Variants in RMDN2 observed in about 807,000 individuals in gnomAD.
RMDN2 encodes the protein regulator of microtubule dynamics 2.
In RMDN2, 61 loss-of-function variants were observed where a neutral mutation model predicts 52.8. The observed-to-expected ratio is 1.16, with a 90% CI of 0.94 to 1.43. RMDN2 has a LOEUF of 1.43. Among genes scored for constraint, RMDN2 ranks in the 40% most tolerant of loss-of-function variants. The pLI is 0.00. For synonymous variants in RMDN2, 180 were observed against 153.1 expected, an observed-to-expected ratio of 1.18 and a Z score of -1.30; for missense variants, 592 against 475.3, an observed-to-expected ratio of 1.25 and a Z score of -2.28.
At chr2:38,002,494 A>G (rs1336805633) in intron 8 of RMDN2, among the ~76,000 whole-genome samples, 1 of 152,202 alleles carries the variant, frequency 6.6e-6, no homozygotes. Flanking sequence ...TGGAGCCAAT[A>G]TGTAGATTTT....
intron 7 of RMDN2, among the ~76,000 whole-genome samples, chr2:37,991,684 C>G (rs1674814922): frequency 6.6e-6 from 1 of 152,102 alleles, no homozygotes; most frequent in Non-Finnish European, 1.5e-5. Context: ...CACCCTGTGT[C>G]TAGGTACACT....
chr2:38,020,815 A>G (rs974755363), downstream of RMDN2, among the ~76,000 whole-genome samples: 1 of 149,926 alleles, frequency 6.7e-6, no homozygotes, highest in African/African-American at 2.5e-5. Context: ...GCTCCTGTGC[A>G]AACGGAGCCT....
At chr2:37,965,412 A>G (rs542285996) in intron 2 of RMDN2, among the ~76,000 whole-genome samples, 31 of 145,778 alleles carry the variant, frequency 2.1e-4, no homozygotes, top group African/African-American at 7.7e-4. Flanking sequence ...TGTGGTTGCC[A>G]TGGGGATTAT....
Position 38,041,426 on chromosome 2 carries a change from G to GTTTTT in RMDN2, c.1714-25556_1714-25555insTTTTT, listed in dbSNP as rs1573214869. Among the ~76,000 whole-genome samples, 5 of 73,058 alleles carry GTTTTT rather than the reference G, an allele frequency of 6.8e-5. No individual in the cohort carries two copies. The East Asian group carries it at 4.5e-3, about 65-fold the overall frequency. 47.9% of individuals were successfully genotyped at this position (73,058 alleles called of 152,430 possible). A position where few individuals can be genotyped will look rare whatever the true frequency, so the allele number is the denominator to read the frequency against. ...TTCTTCTTTCCTCATTTTTTTTATT[G>GTTTTT]GTTTTTTTTTTTTTTTTGGACGTTT... On this transcript the variant is annotated intron_variant, in intron 10 of 10. Transcript: ENST00000234195.
chr2:38,025,842 C>T (rs1187449674), intron 10 of RMDN2, among the ~76,000 whole-genome samples: 2 of 151,986 alleles, frequency 1.3e-5, no homozygotes, highest in African/African-American at 4.8e-5. Flanking sequence ...TTTATTGTAT[C>T]AGTGGGTTTA....
At chr2:38,022,793 G>A (rs565172788) in intron 10 of RMDN2, among the ~76,000 whole-genome samples, 3 of 152,036 alleles carry the variant, frequency 2.0e-5, no homozygotes, top group Admixed American at 6.5e-5. Flanking sequence ...TATACTTTTC[G>A]ATTTCAAAAA....
intron 2 of RMDN2, among the ~76,000 whole-genome samples, chr2:37,935,995 A>G (rs989383861): frequency 7.2e-5 from 11 of 152,004 alleles, no homozygotes; most frequent in African/African-American, 2.7e-4. Flanking sequence ...GGTTTGCTGC[A>G]CCTATCAACC....
intron 2 of RMDN2, chr2:37,950,509 A>G (rs1348431675): frequency 2.5e-6 from 4 of 1,612,696 alleles, no homozygotes; most frequent in Non-Finnish European, 1.7e-6. Flanking sequence ...CCACCTCTAC[A>G]GGGCATTTTA....
At chr2:38,044,798 G>T (rs1201815242) in intron 10 of RMDN2, among the ~76,000 whole-genome samples, 1 of 151,884 alleles carries the variant, frequency 6.6e-6, no homozygotes, top group Non-Finnish European at 1.5e-5. Context: ...CTTGCATGTT[G>T]TCTACTTTTT....
chr2:37,970,531 GTTATA>G (rs1671673563), intron 2 of RMDN2, among the ~76,000 whole-genome samples: 1 of 152,048 alleles, frequency 6.6e-6, no homozygotes, highest in Non-Finnish European at 1.5e-5. Context: ...TTTTGTGTCA[GTTATA>G]TTAGTTTTAT....
intron 2 of RMDN2, among the ~76,000 whole-genome samples, chr2:37,940,904 A>G (rs1667728863): frequency 6.6e-6 from 1 of 151,782 alleles, no homozygotes; most frequent in Non-Finnish European, 1.5e-5. Flanking sequence ...AATTCATCAA[A>G]CTCATTCTCT....
chr2:38,009,434 TCTC>T (rs1003668663), intron 10 of RMDN2, among the ~76,000 whole-genome samples: 2 of 152,170 alleles, frequency 1.3e-5, no homozygotes, highest in Non-Finnish European at 2.9e-5. Flanking sequence ...TCTCTACACT[TCTC>T]CTCTCGCTTC....
rs1304024582 is a variant in RMDN2, at chr2:37,929,565, TAAA to T, written c.289_291del (p.Lys97del). On this transcript the variant is annotated inframe_deletion, in exon 2 of 11. Transcript: ENST00000354545. ...AACTCAAAGAGGAAATCAGATTTCT[TAAA>T]GAAGCTATTCCAAAGCTGGAGGAAT... The T allele has an allele frequency of 6.4e-7, 1 of 1,551,860 alleles. No homozygotes were observed. Among genetic ancestry groups the T allele is most frequent in the Middle Eastern group, 1.7e-4 (1 of 5,994 alleles).
chr2:38,047,182 CTA>C (rs1681324940), intron 10 of RMDN2, among the ~76,000 whole-genome samples: 1 of 152,074 alleles, frequency 6.6e-6, no homozygotes, highest in Admixed American at 6.5e-5. Context: ...AGAAGAAATA[CTA>C]TGTTTTTAGA....
At chr2:37,963,485 C>A (rs1240697194) in intron 2 of RMDN2, among the ~76,000 whole-genome samples, 1 of 151,904 alleles carries the variant, frequency 6.6e-6, no homozygotes, top group Admixed American at 6.5e-5. Context: ...TGTTTGTGTC[C>A]CTGGGTACTT....
chr2:37,994,911 C>T (rs929374217), intron 7 of RMDN2, among the ~76,000 whole-genome samples: 1 of 152,134 alleles, frequency 6.6e-6, no homozygotes, highest in Non-Finnish European at 1.5e-5. Context: ...TCACAGAAGA[C>T]TACCTAATTG....
chr2:37,989,425 A>G, intron 5 of RMDN2, 116 bp from the exon 6 acceptor site: 1 of 685,974 alleles, frequency 1.5e-6, no homozygotes, highest in African/African-American at 1.8e-5. Flanking sequence ...TTATATGAAT[A>G]CTCCTGTTAA....
intron 2 of RMDN2, among the ~76,000 whole-genome samples, chr2:37,957,448 AG>A (rs1210173232): frequency 2.0e-5 from 3 of 151,530 alleles, no homozygotes; most frequent in Admixed American, 2.0e-4. Flanking sequence ...GCTGCTTTTA[AG>A]AAGTGTCTGT....
chr2:38,002,885 C>T (rs1676509105), intron 8 of RMDN2: 1 of 152,226 alleles, frequency 6.6e-6, no homozygotes, highest in South Asian at 2.1e-4. Context: ...GGTGGAGACT[C>T]CAGGTTGTAA....
Sources: gnomAD v4.1 joint callset for allele counts (sites outside exome capture counted in the v4.1 genomes callset) on GRCh38, gnomAD v4.1.1 for gene constraint, MANE v1.5 for transcripts, NCBI Gene and HGNC (gene_info 2026-07-23, HGNC 2026-07-21) for gene names.